NUDCD1: variants seen among roughly 807,000 people sequenced by gnomAD.
The protein encoded by NUDCD1 is nudC domain-containing protein 1.
A neutral mutation model predicts 67.8 loss-of-function variants in NUDCD1; 60 were observed. That is an observed-to-expected ratio of 0.88 (90% CI 0.72 to 1.10). NUDCD1 has a LOEUF of 1.10. Ranked by LOEUF, NUDCD1 falls within the 50% of genes least tolerant of loss-of-function variation. NUDCD1 has a pLI of 0.00. For synonymous variants in NUDCD1, 244 were observed against 230.8 expected, an observed-to-expected ratio of 1.06 and a Z score of -0.52; for missense variants, 643 against 695.0, an observed-to-expected ratio of 0.93 and a Z score of 0.84.
At position 109,305,171 on chromosome 8, in the gene NUDCD1, C is replaced by A. The variant is rs556435909; in HGVS notation, c.274-8602G>T. Among the ~76,000 whole-genome samples the A allele has an allele frequency of 3.9e-5, 6 of 152,276 alleles. No individual in the cohort carries two copies. The South Asian group carries it at 1.2e-3, about 32-fold the overall frequency. ...CATCAAGCTTGGGAATTTGTCTCTG[C>A]CCCGGACTGGCAAATTGACTTTACC... On this transcript the variant is annotated intron_variant, in intron 2 of 9. Coordinates refer to ENST00000239690, the MANE Select transcript of NUDCD1 (RefSeq NM_032869.4).
Position 109,281,180 on chromosome 8 carries a change from G to A in NUDCD1, c.824-8C>T. 6.3e-7 allele frequency: 1 copy of A among 1,584,338 alleles called. No individual in the cohort carries two copies. On this transcript the variant is annotated splice_region_variant and splice_polypyrimidine_tract_variant and intron_variant, in intron 5 of 9. Coordinates refer to ENST00000239690, the MANE Select transcript of NUDCD1 (RefSeq NM_032869.4). ...GCCAGTAATACAGAGGTTCTATTGG[G>A]AAAAGAAAAATGCATCATGTAATAA...
In NUDCD1 at chr8:109,321,971, T is replaced by C. The variant is rs147736722; in HGVS notation, c.273+338A>G. On this transcript the variant is annotated intron_variant, in intron 2 of 9. Transcript: ENST00000239690. ...TTAACATAGTTAAAAATACATAAAG[T>C]AAAAACTAAAACAAAAGCAAATTCA... 2.1e-3 allele frequency among the ~76,000 whole-genome samples: 327 copies of C among 152,114 alleles called. 2 individuals carry two copies. Among genetic ancestry groups the C allele is most frequent in the African/African-American group, 7.5e-3 (310 of 41,510 alleles).
chr8:109,332,487 G>T (rs1471053654), intron 1 of NUDCD1, among the ~76,000 whole-genome samples: 1 of 152,182 alleles, frequency 6.6e-6, no homozygotes, highest in African/African-American at 2.4e-5. Context: ...CCATGTGAAA[G>T]AATCTTAAAC....
chr8:109,273,340 G>C (rs1814202462), intron 7 of NUDCD1, among the ~76,000 whole-genome samples: 1 of 152,070 alleles, frequency 6.6e-6, no homozygotes, highest in Non-Finnish European at 1.5e-5. Context: ...CCATGTAAAA[G>C]ACTGAAGCCC....
At chr8:109,261,911 A>G (rs902427548) in intron 8 of NUDCD1, among the ~76,000 whole-genome samples, 3 of 152,166 alleles carry the variant, frequency 2.0e-5, no homozygotes, top group Admixed American at 6.5e-5. Flanking sequence ...CACACCATAA[A>G]GAAGTATAAT....
chr8:109,322,496 A>G (rs773836498), intron 1 of NUDCD1, 33 bp from the exon 2 acceptor site: 22 of 1,561,096 alleles, frequency 1.4e-5, no homozygotes, highest in Admixed American at 5.2e-5. Flanking sequence ...ATAAACATCA[A>G]GAGTTTTGCC....
At chr8:109,304,198 C>CA (rs1460229193) in intron 2 of NUDCD1, among the ~76,000 whole-genome samples, 1 of 152,166 alleles carries the variant, frequency 6.6e-6, no homozygotes, top group Non-Finnish European at 1.5e-5. Flanking sequence ...GGAACTCTTA[C>CA]ACAAGAGCCG....
chr8:109,333,749 G>A, intron 1 of NUDCD1, 144 bp downstream of exon 1: 1 of 863,644 alleles, frequency 1.2e-6, no homozygotes, highest in Non-Finnish European at 1.8e-6. Context: ...TCATTCCCCA[G>A]AAGCAGCGGC....
intron 2 of NUDCD1, chr8:109,315,230 G>A (rs902485601): frequency 2.0e-5 from 3 of 151,324 alleles, no homozygotes; most frequent in South Asian, 2.1e-4. Context: ...ATGTTACTCC[G>A]AAATAATGCC....
chr8:109,276,853 G>C (rs1360505506), intron 6 of NUDCD1, among the ~76,000 whole-genome samples: 1 of 152,116 alleles, frequency 6.6e-6, no homozygotes, highest in African/African-American at 2.4e-5. Context: ...AGTAGAGACA[G>C]GGTTTTGTCA....
At chr8:109,305,398 C>T (rs191623850) in intron 2 of NUDCD1, among the ~76,000 whole-genome samples, 47 of 152,224 alleles carry the variant, frequency 3.1e-4, no homozygotes, top group African/African-American at 1.1e-3. Context: ...TTCTCAGTCT[C>T]TTGGTATTCA....
At chr8:109,264,716 T>C (rs1010718795) in intron 8 of NUDCD1, among the ~76,000 whole-genome samples, 16 of 152,120 alleles carry the variant, frequency 1.1e-4, no homozygotes, top group Admixed American at 9.8e-4. Flanking sequence ...TATATATCTA[T>C]AGGAATCTGA....
At chr8:109,324,479 A>C (rs774659175) in intron 1 of NUDCD1, among the ~76,000 whole-genome samples, 1 of 152,172 alleles carries the variant, frequency 6.6e-6, no homozygotes, top group Non-Finnish European at 1.5e-5. Flanking sequence ...TAGTATAGCC[A>C]TTATGGAAAA....
At chr8:109,278,371 C>T (rs1005466318) in intron 6 of NUDCD1, among the ~76,000 whole-genome samples, 1 of 152,124 alleles carries the variant, frequency 6.6e-6, no homozygotes, top group Non-Finnish European at 1.5e-5. Context: ...TTTTAAAAGA[C>T]ACTTAACTTT....
chr8:109,310,372 G>A (rs887333891), intron 2 of NUDCD1, among the ~76,000 whole-genome samples: 3 of 152,154 alleles, frequency 2.0e-5, no homozygotes, highest in African/African-American at 7.2e-5. Context: ...AGTGGGGAAA[G>A]GATACCCTTT....
At chr8:109,313,857 T>C (rs1815321549) in intron 2 of NUDCD1, 2 of 1,071,856 alleles carry the variant, frequency 1.9e-6, no homozygotes, top group Non-Finnish European at 2.5e-6. Context: ...ATGGGTACAA[T>C]ATCCAATAGA....
chr8:109,246,394 T>C (rs1258700861), intron 8 of NUDCD1, among the ~76,000 whole-genome samples: 1 of 151,998 alleles, frequency 6.6e-6, no homozygotes. Context: ...GCTTGGAGAG[T>C]TTGAGTAACT....
At chr8:109,315,449 C>A in intron 2 of NUDCD1, 1 of 152,018 alleles carries the variant, frequency 6.6e-6, no homozygotes, top group Admixed American at 6.5e-5. Context: ...AATTAAACAC[C>A]CCACCTACAG....
chr8:109,323,979 A>G (rs1370548166), intron 1 of NUDCD1, among the ~76,000 whole-genome samples: 1 of 152,138 alleles, frequency 6.6e-6, no homozygotes, highest in Non-Finnish European at 1.5e-5. Context: ...ATGCTTCAGG[A>G]TATAGGTCTA....
Sources: allele counts gnomAD v4.1 joint callset (sites outside exome capture counted in the v4.1 genomes callset), GRCh38; gene constraint gnomAD v4.1.1; transcripts MANE v1.5; gene names NCBI Gene and HGNC (gene_info 2026-07-23, HGNC 2026-07-21).